The following GPC5 variants were observed in gnomAD, a reference collection of about 807,000 sequenced individuals.
GPC5 encodes glypican-5.
In GPC5, 47 loss-of-function variants were observed where a neutral mutation model predicts 53.9. The observed-to-expected ratio is 0.87, with a 90% CI of 0.69 to 1.11. GPC5 has a LOEUF of 1.11. Ranked by LOEUF, GPC5 falls within the 50% of genes most tolerant of loss-of-function variation. GPC5 has a pLI of 0.00. For missense variants in GPC5, 748 were observed against 713.1 expected (o/e 1.05, Z -0.56); for synonymous variants, 286 against 263.3 (o/e 1.09, Z -0.84).
chr13:92,075,321 A>G (rs1394576474), intron 6 of GPC5, among the ~76,000 whole-genome samples: 2 of 152,230 alleles, frequency 1.3e-5, no homozygotes, highest in South Asian at 2.1e-4. Context: ...ACAGTTTACT[A>G]AAGAGGATAA....
intron 7 of GPC5, among the ~76,000 whole-genome samples, chr13:92,609,201 G>C (rs1021236770): frequency 3.9e-5 from 6 of 152,010 alleles, no homozygotes; most frequent in African/African-American, 1.4e-4. Context: ...CCAAATCTTT[G>C]AAACCCTAGG....
chr13:92,117,202 T>C (rs1397351642), intron 6 of GPC5, among the ~76,000 whole-genome samples: 1 of 152,212 alleles, frequency 6.6e-6, no homozygotes, highest in African/African-American at 2.4e-5. Flanking sequence ...CTGAGATTCA[T>C]TTCTTGGTAT....
chr13:92,384,291 T>A (rs1389452506), intron 7 of GPC5, among the ~76,000 whole-genome samples: 1 of 152,162 alleles, frequency 6.6e-6, no homozygotes, highest in African/African-American at 2.4e-5. Context: ...ATCAATCCCA[T>A]CTTCCTGCTG....
intron 7 of GPC5, among the ~76,000 whole-genome samples, chr13:92,314,754 A>T (rs1361221321): frequency 6.6e-6 from 1 of 152,150 alleles, no homozygotes; most frequent in African/African-American, 2.4e-5. Flanking sequence ...AGTGTCCAGA[A>T]GAGTGCTCTA....
At chr13:92,136,419 A>T (rs1594777377) in intron 6 of GPC5, among the ~76,000 whole-genome samples, 1 of 152,202 alleles carries the variant, frequency 6.6e-6, no homozygotes, top group Non-Finnish European at 1.5e-5. Context: ...ATCACAAAAT[A>T]AAAAGTATAA....
chr13:92,525,141 T>C (rs1045336032), intron 7 of GPC5, among the ~76,000 whole-genome samples: 2 of 152,066 alleles, frequency 1.3e-5, no homozygotes, highest in African/African-American at 2.4e-5. Context: ...ACAGTCTCTG[T>C]AGCCCTCCCA....
chr13:92,554,554 T>G (rs936555319), intron 7 of GPC5, among the ~76,000 whole-genome samples: 4 of 150,646 alleles, frequency 2.7e-5, no homozygotes, highest in African/African-American at 9.7e-5. Flanking sequence ...TTTTAAAAAC[T>G]TAATGAAACA....
At chr13:92,127,107 G>T (rs1171245520) in intron 6 of GPC5, among the ~76,000 whole-genome samples, 5 of 152,080 alleles carry the variant, frequency 3.3e-5, no homozygotes, top group Non-Finnish European at 2.9e-5. Context: ...ATAATGGAAG[G>T]GGGGGTGATT....
At chr13:91,784,316 C>T (rs1361692554) in intron 5 of GPC5, among the ~76,000 whole-genome samples, 1 of 152,044 alleles carries the variant, frequency 6.6e-6, no homozygotes, top group African/African-American at 2.4e-5. Context: ...TATTCTTCAT[C>T]TGAGTAAAAA....
chr13:92,589,958 TGATGAGTGCCACCCAGGGAAGA>T (rs1173647264), intron 7 of GPC5, among the ~76,000 whole-genome samples: 4 of 152,194 alleles, frequency 2.6e-5, no homozygotes, highest in African/African-American at 4.8e-5. Context: ...GTTAAAAGGT[TGATGAGTGCCACCCAGGGAAGA>T]GATGAGTGCA....
chr13:92,131,595 A>G (rs182138058), intron 6 of GPC5, among the ~76,000 whole-genome samples: 68 of 152,144 alleles, frequency 4.5e-4, no homozygotes, highest in African/African-American at 1.6e-3. Context: ...ATACTGCATG[A>G]TACTATTTTT....
At chr13:91,896,180 C>A (rs1266879489) in intron 5 of GPC5, among the ~76,000 whole-genome samples, 1 of 147,096 alleles carries the variant, frequency 6.8e-6, no homozygotes, top group Non-Finnish European at 1.5e-5. Context: ...AGTGCAGTGG[C>A]ACAATCTCAG....
intron 6 of GPC5, among the ~76,000 whole-genome samples, chr13:92,040,922 C>T (rs954074584): frequency 6.6e-6 from 1 of 152,216 alleles, no homozygotes; most frequent in African/African-American, 2.4e-5. Flanking sequence ...AGGACCTCAG[C>T]TCACTGCAAC....
chr13:92,575,340 T>C (rs1278495008), intron 7 of GPC5, among the ~76,000 whole-genome samples: 1 of 152,096 alleles, frequency 6.6e-6, no homozygotes, highest in African/African-American at 2.4e-5. Context: ...AAAAGGTAAT[T>C]TGAAACACAG....
At chr13:92,776,253 A>ACT (rs755444154) in intron 7 of GPC5, among the ~76,000 whole-genome samples, 2 of 150,838 alleles carry the variant, frequency 1.3e-5, no homozygotes, top group African/African-American at 2.4e-5. Flanking sequence ...TAAATCTCAG[A>ACT]CTCTCTCTCT....
intron 2 of GPC5, among the ~76,000 whole-genome samples, chr13:91,622,317 T>C (rs2033883048): frequency 6.6e-6 from 1 of 152,162 alleles, no homozygotes; most frequent in Non-Finnish European, 1.5e-5. Flanking sequence ...TCTTCCATTA[T>C]TTAACATTTT....
intron 7 of GPC5, among the ~76,000 whole-genome samples, chr13:92,453,901 C>T (rs1878164222): frequency 6.6e-6 from 1 of 152,196 alleles, no homozygotes; most frequent in Non-Finnish European, 1.5e-5. Flanking sequence ...ATTTAGGCTA[C>T]ACAGTCCTTG....
chr13:92,577,874 T>C (rs746800202), intron 7 of GPC5, among the ~76,000 whole-genome samples: 1 of 152,076 alleles, frequency 6.6e-6, no homozygotes, highest in Non-Finnish European at 1.5e-5. Flanking sequence ...TTTTAAAAAA[T>C]AGGCAATAAA....
chr13:92,056,803 C>T (rs951007312), intron 6 of GPC5, among the ~76,000 whole-genome samples: 2 of 152,144 alleles, frequency 1.3e-5, no homozygotes, highest in Non-Finnish European at 2.9e-5. Flanking sequence ...ATATAATATG[C>T]TACATTATTT....
Sources: allele counts gnomAD v4.1 joint callset (sites outside exome capture counted in the v4.1 genomes callset), GRCh38; gene constraint gnomAD v4.1.1; transcripts MANE v1.5; gene names NCBI Gene and HGNC (gene_info 2026-07-23, HGNC 2026-07-21).